Variants in PLXNA2 observed in about 807,000 individuals in gnomAD.
PLXNA2 encodes plexin-A2.
A neutral mutation model predicts 193.5 loss-of-function variants in PLXNA2; 91 were observed. The observed-to-expected ratio is 0.47, with a 90% CI of 0.40 to 0.56. PLXNA2 has a LOEUF of 0.56. Ranked by LOEUF, PLXNA2 falls within the 20% of genes least tolerant of loss-of-function variation. The probability of loss-of-function intolerance (pLI) is 0.00; values close to 1 mark genes in which losing one functional copy is unlikely to be tolerated. For missense variants in PLXNA2, 1,995 were observed against 2,503.2 expected (o/e 0.80, Z 4.33); for synonymous variants, 997 against 1,027.3 (o/e 0.97, Z 0.56).
At chr1:208,042,952 C>A in intron 21 of PLXNA2, 109 bp downstream of exon 21, 1 of 1,110,112 alleles carries the variant, frequency 9.0e-7, no homozygotes, top group South Asian at 1.5e-5. Flanking sequence ...ACTACTGACC[C>A]CTCTTCCCTG....
At chr1:208,156,341 C>T (rs1345625997) in intron 3 of PLXNA2, among the ~76,000 whole-genome samples, 1 of 152,118 alleles carries the variant, frequency 6.6e-6, no homozygotes, top group African/African-American at 2.4e-5. Context: ...AGGAACTCAT[C>T]CCTATTTAAC....
At position 208,030,837 on chromosome 1, in the gene PLXNA2, G is replaced by A. The variant is rs1408454971; in HGVS notation, c.5225+753C>T. 1.8e-5 allele frequency: 18 copies of A among 985,292 alleles called. No individual in the cohort carries two copies. The East Asian group carries it at 2.0e-3, about 112-fold the overall frequency. The allele number at this position is 985,292 out of a possible 1,614,324, so 61.0% of individuals were successfully genotyped here. On this transcript the variant is annotated intron_variant, in intron 29 of 31. Transcript: ENST00000367033. ...TGATGCCAGCTCTTGGCCGGGTCCTGTCTGACCTGAAAGCCAGTCCTTAGC... is the reference window on the plus strand; with the variant it reads ...TGATGCCAGCTCTTGGCCGGGTCCTATCTGACCTGAAAGCCAGTCCTTAGC...
chr1:208,138,010 G>C (rs556409589), intron 4 of PLXNA2, among the ~76,000 whole-genome samples: 2 of 152,272 alleles, frequency 1.3e-5, no homozygotes, highest in South Asian at 4.1e-4. Flanking sequence ...GATGAGAGTA[G>C]GTTGCCCAGA....
At chr1:208,055,209 A>G (rs1398792724) in intron 13 of PLXNA2, among the ~76,000 whole-genome samples, 3 of 152,168 alleles carry the variant, frequency 2.0e-5, no homozygotes, top group Non-Finnish European at 2.9e-5. Context: ...TGGGAGAGAC[A>G]GTGACACGGC....
At chr1:208,161,969 G>A (rs906625688) in intron 3 of PLXNA2, among the ~76,000 whole-genome samples, 1 of 152,250 alleles carries the variant, frequency 6.6e-6, no homozygotes, top group South Asian at 2.1e-4. Flanking sequence ...GGCAGGGTAG[G>A]TGCTGGGAGG....
In PLXNA2 at chr1:208,028,374, G is replaced by A. The variant is rs989517105; in HGVS notation, c.5439-215C>T. Among the ~76,000 whole-genome samples, 13 of 152,196 alleles carry A rather than the reference G, an allele frequency of 8.5e-5. No individual in the cohort carries two copies. Among genetic ancestry groups the A allele is most frequent in the African/African-American group, 2.4e-4 (10 of 41,436 alleles). ...GTAGATTCCATCTAGCCGAGAGCTC[G>A]TGGCTGCGGTGCCCAACAGAGTGGT... is the stretch of plus-strand genomic sequence containing the variant. On this transcript the variant is annotated intron_variant, in intron 30 of 31. Transcript: ENST00000367033. The surrounding 1 kb of genome is among the most constrained non-coding windows in gnomAD (Gnocchi z 4.2).
chr1:208,053,425 G>T (rs1665326297), intron 14 of PLXNA2, among the ~76,000 whole-genome samples: 1 of 152,156 alleles, frequency 6.6e-6, no homozygotes, highest in Admixed American at 6.5e-5. Flanking sequence ...CCCTGCCCTG[G>T]GTAAGAGATG....
chr1:208,206,772 T>TA (rs1670740983), intron 3 of PLXNA2, among the ~76,000 whole-genome samples: 3 of 148,754 alleles, frequency 2.0e-5, no homozygotes, highest in African/African-American at 7.5e-5. Flanking sequence ...ATAGGTTTTT[T>TA]TTTTTTTTTT....
intron 4 of PLXNA2, among the ~76,000 whole-genome samples, chr1:208,131,141 G>C (rs779703873): frequency 2.5e-4 from 38 of 152,162 alleles, no homozygotes; most frequent in Non-Finnish European, 5.3e-4. Context: ...CATACAGAGG[G>C]ACCTTGCCAA....
At chr1:208,050,843 T>G (rs1665235009) in intron 17 of PLXNA2, among the ~76,000 whole-genome samples, 166 bp downstream of exon 17, 1 of 151,592 alleles carries the variant, frequency 6.6e-6, no homozygotes, top group South Asian at 2.1e-4. Flanking sequence ...AAAAAAAAAT[T>G]ATAAGGTTTA....
chr1:208,121,207 C>T (rs942999283), intron 4 of PLXNA2, among the ~76,000 whole-genome samples: 4 of 152,096 alleles, frequency 2.6e-5, no homozygotes, highest in South Asian at 2.1e-4. Flanking sequence ...AGCTGGGCTC[C>T]GAGACTGCCT....
rs529237527 is a variant in PLXNA2, at chr1:208,215,485, G to A, written c.1188+1250C>T. Reference sequence around the variant, plus strand: ...GATGATGGATAGATAAAGATATGGAGACATAGATTAAGGGAGAAAAAAGAG... The same window carrying A: ...GATGATGGATAGATAAAGATATGGAAACATAGATTAAGGGAGAAAAAAGAG... On this transcript the variant is annotated intron_variant, in intron 2 of 31. Coordinates refer to ENST00000367033, the MANE Select transcript of PLXNA2 (RefSeq NM_025179.4). Among the ~76,000 whole-genome samples, 40 of 152,156 alleles carry A rather than the reference G, an allele frequency of 2.6e-4. 1 individual carries two copies. In the South Asian group the frequency reaches 3.5e-3, roughly 13 times the overall value.
At chr1:208,219,434 A>G (rs1671248299) in intron 1 of PLXNA2, among the ~76,000 whole-genome samples, 1 of 152,190 alleles carries the variant, frequency 6.6e-6, no homozygotes, top group Non-Finnish European at 1.5e-5. Flanking sequence ...CCGGCAGAGA[A>G]AGCTTTTCTC....
intron 1 of PLXNA2, among the ~76,000 whole-genome samples, chr1:208,233,501 C>T (rs888477059): frequency 4.6e-5 from 7 of 152,218 alleles, no homozygotes; most frequent in East Asian, 1.9e-4. Flanking sequence ...GCTGGGGGCC[C>T]GCAGTGGAAG....
At chr1:208,097,825 C>T (rs781320635) in intron 6 of PLXNA2, among the ~76,000 whole-genome samples, 43 of 151,690 alleles carry the variant, frequency 2.8e-4, no homozygotes, top group Non-Finnish European at 4.7e-4. Flanking sequence ...CGGTGGCCTC[C>T]AAGCTGAGGA....
chr1:208,243,037 G>GCC (rs1172571255), intron 1 of PLXNA2, among the ~76,000 whole-genome samples: 4 of 152,306 alleles, frequency 2.6e-5, no homozygotes, highest in African/African-American at 7.2e-5. Context: ...CGCAAAGGGA[G>GCC]CCCCGGGAGA....
At chr1:208,036,562 C>A (rs11118975) in intron 26 of PLXNA2, among the ~76,000 whole-genome samples, 82,651 of 152,012 alleles carry the variant, frequency 0.54, 22,992 homozygotes, top group Non-Finnish European at 0.59. Flanking sequence ...GGAAAGGCTG[C>A]GAGCAGTGCC....
chr1:208,098,454 TCTCTCA>T (rs1421252017), intron 6 of PLXNA2, among the ~76,000 whole-genome samples: 1,424 of 105,954 alleles, frequency 0.013, 28 homozygotes, highest in African/African-American at 0.045. Context: ...TCTCTCTCTC[TCTCTCA>T]CACACACACA....
At chr1:208,125,029 G>A (rs1053082428) in intron 4 of PLXNA2, among the ~76,000 whole-genome samples, 4 of 152,096 alleles carry the variant, frequency 2.6e-5, no homozygotes, top group African/African-American at 9.7e-5. Flanking sequence ...TTTTCTCAAT[G>A]GATACTGTGA....
Sources: allele counts gnomAD v4.1 joint callset (sites outside exome capture counted in the v4.1 genomes callset), GRCh38; gene constraint gnomAD v4.1.1; non-coding constraint Gnocchi (gnomAD v3.1); transcripts MANE v1.5; gene names NCBI Gene and HGNC (gene_info 2026-07-23, HGNC 2026-07-21).